Variants in PPP1R3B observed in about 807,000 individuals in gnomAD.
The protein encoded by PPP1R3B is PP1 subunit R4.
PPP1R3B carries 8 observed loss-of-function variants against 14.6 expected under a neutral mutation model. The ratio of observed to expected loss-of-function variants is 0.55; its 90% CI spans 0.32 to 0.99. The LOEUF (loss-of-function observed/expected upper bound fraction) is 0.99. PPP1R3B is among the 50% of genes least tolerant of loss of function. PPP1R3B has a pLI of 0.04. For missense variants in PPP1R3B, 452 were observed against 360.1 expected (o/e 1.26, Z -2.07); for synonymous variants, 169 against 142.0 (o/e 1.19, Z -1.35).
Position 9,141,100 on chromosome 8 carries a change from A to T in PPP1R3B, c.552T>A (p.Tyr184Ter). 2 of 1,614,146 alleles carry T rather than the reference A, an allele frequency of 1.2e-6. No homozygotes were observed. The highest frequency in any genetic ancestry group is 1.7e-6 in the Non-Finnish European group (2 of 1,180,034). Residue 184 changes from tyrosine (Y) to a stop codon, truncating the protein, a stop_gained, in exon 2 of 2, where the codon TAT becomes TAA. Coordinates refer to ENST00000310455, the MANE Select transcript of PPP1R3B (RefSeq NM_024607.4). LOFTEE classifies it high-confidence loss of function. ...AGAACGTGTCCCTGTCTGAACCGGC[A>T]TAAGTGTCCTTCACGTACTGACAAG... The part of the protein sequence containing the change: ...DFPCQYVKDT[Y>*]AGSDRDTFSF...
In PPP1R3B at chr8:9,140,593, T is replaced by A. The variant is rs1801040749; in HGVS notation, c.*201A>T. 3.2e-6 allele frequency: 2 copies of A among 621,590 alleles called. No homozygotes were observed. The highest frequency in any genetic ancestry group is 4.1e-5 in the African/African-American group (2 of 49,272). 38.5% of individuals were successfully genotyped at this position (621,590 alleles called of 1,614,324 possible). A position where few individuals can be genotyped will look rare whatever the true frequency, so the allele number is the denominator to read the frequency against. ...AAGCGCGCCAGCCACCACTGCTCCTTTGAGTGAGACACTGGTTGTGTAATC... is the reference window on the plus strand; with the variant it reads ...AAGCGCGCCAGCCACCACTGCTCCTATGAGTGAGACACTGGTTGTGTAATC... On this transcript the variant is annotated 3_prime_UTR_variant, in exon 2 of 2. Transcript: ENST00000310455.
Position 9,137,724 on chromosome 8 carries a change from C to G in PPP1R3B, c.*3070G>C, listed in dbSNP as rs2117588230. On this transcript the variant is annotated 3_prime_UTR_variant, in exon 2 of 2. Transcript: ENST00000310455. ...CCCCATACATCACTGAATGACAGCCCTGATGAGGAAACTCAGGCAAGTAGA... is the reference window on the plus strand; with the variant it reads ...CCCCATACATCACTGAATGACAGCCGTGATGAGGAAACTCAGGCAAGTAGA... 1 of 152,342 alleles carries G rather than the reference C, an allele frequency of 6.6e-6. No homozygotes were observed. Among genetic ancestry groups the G allele is most frequent in the East Asian group, 1.9e-4 (1 of 5,190 alleles). 9.4% of individuals were successfully genotyped at this position (152,342 alleles called of 1,614,324 possible). A position where few individuals can be genotyped will look rare whatever the true frequency, so the allele number is the denominator to read the frequency against.
intron 1 of PPP1R3B, chr8:9,145,431 C>T (rs1801212364): frequency 6.6e-6 from 1 of 152,172 alleles, no homozygotes; most frequent in South Asian, 2.1e-4. Flanking sequence ...CTATGATTTT[C>T]TTAACATTTT....
chr8:9,140,639 GT>G lies in PPP1R3B; in HGVS notation c.*154del. 7 of 765,790 alleles carry G rather than the reference GT, an allele frequency of 9.1e-6. No homozygotes were observed. Among genetic ancestry groups the G allele is most frequent in the East Asian group, 5.4e-5 (2 of 37,054 alleles). The allele number at this position is 765,790 out of a possible 1,614,324, so 47.4% of individuals were successfully genotyped here. On this transcript the variant is annotated 3_prime_UTR_variant, in exon 2 of 2. Transcript: ENST00000310455. The stretch of plus-strand genomic sequence containing the variant: ...TAATCTGAACCTGGCTGGATTTGCT[GT>G]TTAAGAAAGAAGTGAAGAGGATCCT...
intron 1 of PPP1R3B, among the ~76,000 whole-genome samples, chr8:9,149,092 C>T (rs1010497427): frequency 6.7e-6 from 1 of 149,738 alleles, no homozygotes; most frequent in African/African-American, 2.5e-5. Context: ...ACTCAGGAGG[C>T]CGAGGCAGGA....
chr8:9,142,478 T>C (rs531209714), intron 1 of PPP1R3B: 2 of 152,334 alleles, frequency 1.3e-5, no homozygotes, highest in South Asian at 2.1e-4. Flanking sequence ...AATGGCTAAA[T>C]CGAGCTATTT....
In PPP1R3B at chr8:9,142,835, G is replaced by A. The variant is rs533705564; in HGVS notation, c.-17-1167C>T. 5.3e-5 allele frequency among the ~76,000 whole-genome samples: 8 copies of A among 152,300 alleles called. No homozygotes were observed. The South Asian group carries it at 1.2e-3, about 24-fold the overall frequency. On this transcript the variant is annotated intron_variant, in intron 1 of 1. Coordinates refer to ENST00000310455, the MANE Select transcript of PPP1R3B (RefSeq NM_024607.4). The stretch of plus-strand genomic sequence containing the variant: ...TCATCCCCGTTGGCACAAATGACAG[G>A]ATTTCCTTCTTTCTTCAGGTAGAAT...
chr8:9,139,545 A>C lies in PPP1R3B; in HGVS notation c.*1249T>G, dbSNP rs1415609002. ...TGACTCTTTGGGAAAGGAGATTCAA[A>C]ATTCTCTTTTTTTTTCTGTTTGAGA... is the stretch of plus-strand genomic sequence containing the variant. On this transcript the variant is annotated 3_prime_UTR_variant, in exon 2 of 2. Transcript: ENST00000310455. 1 of 151,814 alleles carries C rather than the reference A, an allele frequency of 6.6e-6. No individual in the cohort carries two copies. Among genetic ancestry groups the C allele is most frequent in the East Asian group, 2.0e-4 (1 of 5,126 alleles). The allele number at this position is 151,814 out of a possible 1,614,324, so 9.4% of individuals were successfully genotyped here.
chr8:9,139,536 G>T lies in PPP1R3B; in HGVS notation c.*1258C>A, dbSNP rs1800999220. 6.6e-6 allele frequency: 1 copy of T among 151,944 alleles called. No homozygotes were observed. The highest frequency in any genetic ancestry group is 1.5e-5 in the Non-Finnish European group (1 of 68,008). The allele number at this position is 151,944 out of a possible 1,614,324, so 9.4% of individuals were successfully genotyped here. Reference sequence around the variant, plus strand: ...CAGAAAAGATGACTCTTTGGGAAAGGAGATTCAAAATTCTCTTTTTTTTTC... The same window carrying T: ...CAGAAAAGATGACTCTTTGGGAAAGTAGATTCAAAATTCTCTTTTTTTTTC... On this transcript the variant is annotated 3_prime_UTR_variant, in exon 2 of 2. Coordinates refer to ENST00000310455, the MANE Select transcript of PPP1R3B (RefSeq NM_024607.4).
chr8:9,150,995 C>G (rs529392000), upstream of PPP1R3B, among the ~76,000 whole-genome samples: 1 of 152,348 alleles, frequency 6.6e-6, no homozygotes, highest in South Asian at 2.1e-4. Context: ...CCAGACCTCT[C>G]GGGACCCGGG....
At chr8:9,147,921 C>G (rs1437231168) in intron 1 of PPP1R3B, among the ~76,000 whole-genome samples, 1 of 152,092 alleles carries the variant, frequency 6.6e-6, no homozygotes, top group African/African-American at 2.4e-5. Context: ...ACAAGCAACC[C>G]CAGTCTAGAA....
chr8:9,137,384 G>A lies in PPP1R3B; in HGVS notation c.*3410C>T, dbSNP rs1800921780. 1.3e-5 allele frequency: 2 copies of A among 152,106 alleles called. No homozygotes were observed. The highest frequency in any genetic ancestry group is 2.9e-5 in the Non-Finnish European group (2 of 68,010). The allele number at this position is 152,106 out of a possible 1,614,324, so 9.4% of individuals were successfully genotyped here. On this transcript the variant is annotated 3_prime_UTR_variant, in exon 2 of 2. Transcript: ENST00000310455. ...CCTGTGACAGGTGGCTGGTCTTTCTGGGGCAACCTGGGAAAGATTCTGGGA... is the reference window on the plus strand; with the variant it reads ...CCTGTGACAGGTGGCTGGTCTTTCTAGGGCAACCTGGGAAAGATTCTGGGA...
chr8:9,149,693 G>C (rs559383908), intron 1 of PPP1R3B, among the ~76,000 whole-genome samples: 24 of 152,326 alleles, frequency 1.6e-4, no homozygotes, highest in African/African-American at 5.3e-4. Flanking sequence ...CACTGATCCA[G>C]CATGAAGAGA....
Position 9,141,281 on chromosome 8 carries a change from A to C in PPP1R3B, c.371T>G (p.Phe124Cys). 6.2e-7 allele frequency: 1 copy of C among 1,614,096 alleles called. No homozygotes were observed. Among genetic ancestry groups the C allele is most frequent in the East Asian group, 2.2e-5 (1 of 44,882 alleles). ...GTGGTCGGCCTGAAGTCGATTTCTA[A>C]AGTCTAAGTAATCTGCAGAGGGCTG... ...FSQPSADYLD[F>C]RNRLQADHVC... Residue 124 changes from phenylalanine (F) to cysteine (C), a missense_variant, in exon 2 of 2, where the codon TTT becomes TGT. By Grantham distance (205) the Phe-to-Cys change is radical. Transcript: ENST00000310455.
chr8:9,139,259 G>C lies in PPP1R3B; in HGVS notation c.*1535C>G, dbSNP rs1328696962. 1 of 152,140 alleles carries C rather than the reference G, an allele frequency of 6.6e-6. No homozygotes were observed. Among genetic ancestry groups the C allele is most frequent in the East Asian group, 1.9e-4 (1 of 5,172 alleles). 9.4% of individuals were successfully genotyped at this position (152,140 alleles called of 1,614,324 possible). On this transcript the variant is annotated 3_prime_UTR_variant, in exon 2 of 2. Transcript: ENST00000310455. ...CAACAGCACTAACCAACAGACTTTA[G>C]TCCAATATGGTTAAGAACAATGAAT...
Position 9,140,810 on chromosome 8 carries a change from A to T in PPP1R3B, c.842T>A (p.Leu281Gln). The T allele has an allele frequency of 1.9e-6, 3 of 1,614,046 alleles. No individual in the cohort carries two copies. Among genetic ancestry groups the T allele is most frequent in the Non-Finnish European group, 8.5e-7 (1 of 1,180,002 alleles). The change falls in exon 2 of 2, where the codon CTA becomes CAA. Residue 281 changes from leucine to glutamine, a missense_variant. Transcript: ENST00000310455. ...CTGCAGTCACTAGTAGTAGGGCCCTAGCTTTTCATATCCTAAGTAACTTGG... is the reference window on the plus strand; with the variant it reads ...CTGCAGTCACTAGTAGTAGGGCCCTTGCTTTTCATATCCTAAGTAACTTGG... ...EWPSYLGYEK[L>Q]GPYY
At chr8:9,150,128 CTCTGCCCAAGGAAACA>C (rs1361368196) in intron 1 of PPP1R3B, among the ~76,000 whole-genome samples, 1 of 152,166 alleles carries the variant, frequency 6.6e-6, no homozygotes, top group East Asian at 1.9e-4. Context: ...TCCTGGACAA[CTCTGCCCAAGGAAACA>C]TTTCCTCCTC....
chr8:9,137,776 T>C lies in PPP1R3B; in HGVS notation c.*3018A>G, dbSNP rs1410642672. ...TCTTTTATTGGAGAAGAAGGGTCTT[T>C]GCGAGCAGGTGAGGACTTGCCTTCT... On this transcript the variant is annotated 3_prime_UTR_variant, in exon 2 of 2. Coordinates refer to ENST00000310455, the MANE Select transcript of PPP1R3B (RefSeq NM_024607.4). 1.3e-5 allele frequency: 2 copies of C among 152,226 alleles called. No homozygotes were observed. The highest frequency in any genetic ancestry group is 3.9e-4 in the East Asian group (2 of 5,190). The allele number at this position is 152,226 out of a possible 1,614,324, so 9.4% of individuals were successfully genotyped here. A position where few individuals can be genotyped will look rare whatever the true frequency, so the allele number is the denominator to read the frequency against.
Position 9,141,132 on chromosome 8 carries a change from CTG to C in PPP1R3B, c.518_519del (p.Thr173ArgfsTer33). The C allele has an allele frequency of 1.2e-6, 2 of 1,614,212 alleles. No homozygotes were observed. Among genetic ancestry groups the C allele is most frequent in the Non-Finnish European group, 1.7e-6 (2 of 1,180,038 alleles). ...RMTFDTWKSY[T>X]DFPCQYVKDT... ...TCCTTCACGTACTGACAAGGAAAGT[CTG>C]TGTAGCTCTTCCAGGTGTCGAACGT... On this transcript the variant is annotated frameshift_variant, in exon 2 of 2. Coordinates refer to ENST00000310455, the MANE Select transcript of PPP1R3B (RefSeq NM_024607.4). LOFTEE classifies it high-confidence loss of function.
Sources: allele counts gnomAD v4.1 joint callset (sites outside exome capture counted in the v4.1 genomes callset), GRCh38; gene constraint gnomAD v4.1.1; transcripts MANE v1.5; gene names NCBI Gene and HGNC (gene_info 2026-07-23, HGNC 2026-07-21).